Variants in POU6F2 observed in about 807,000 individuals in gnomAD.
The protein encoded by POU6F2 is POU class 6 homeobox 2.
In POU6F2, 31 loss-of-function variants were observed where a neutral mutation model predicts 71.3. The ratio of observed to expected loss-of-function variants is 0.43; its 90% CI spans 0.33 to 0.59. The LOEUF (loss-of-function observed/expected upper bound fraction) is 0.59, where lower values mean the gene tolerates loss of function less well. POU6F2 is among the 20% of genes least tolerant of loss of function. The pLI, the probability that POU6F2 is intolerant of heterozygous loss-of-function variation, is 0.04. For missense variants in POU6F2, 783 were observed against 856.8 expected (o/e 0.91, Z 1.07); for synonymous variants, 347 against 355.7 (o/e 0.98, Z 0.27).
chr7:39,112,914 A>G (rs896292215), intron 2 of POU6F2, among the ~76,000 whole-genome samples: 4 of 152,078 alleles, frequency 2.6e-5, no homozygotes, highest in Non-Finnish European at 2.9e-5. Context: ...CCCCTAATTA[A>G]CTATTCTTGA....
At chr7:39,121,000 T>C (rs1792029255) in intron 2 of POU6F2, 2 of 149,926 alleles carry the variant, frequency 1.3e-5, no homozygotes, top group African/African-American at 4.9e-5. Context: ...ATGCTTTCAC[T>C]GTTACCCACG....
chr7:39,174,554 C>G (rs1314164039), intron 2 of POU6F2, among the ~76,000 whole-genome samples: 2 of 152,138 alleles, frequency 1.3e-5, no homozygotes. Context: ...TCTTTTCCTC[C>G]TGTTCCAAGA....
At chr7:39,329,478 T>G (rs894913159) in intron 4 of POU6F2, among the ~76,000 whole-genome samples, 24 of 152,136 alleles carry the variant, frequency 1.6e-4, no homozygotes, top group African/African-American at 5.8e-4. Context: ...AATATATACT[T>G]TGATTCTTAG....
chr7:39,139,144 T>C (rs1225753644), intron 2 of POU6F2, among the ~76,000 whole-genome samples: 1 of 152,196 alleles, frequency 6.6e-6, no homozygotes, highest in Non-Finnish European at 1.5e-5. Context: ...TAGCCACTTC[T>C]GTTAAGTAAG....
At chr7:39,028,784 C>T (rs1277723520) in intron 1 of POU6F2, among the ~76,000 whole-genome samples, 1 of 151,844 alleles carries the variant, frequency 6.6e-6, no homozygotes, top group African/African-American at 2.4e-5. Flanking sequence ...AGGCTTATTC[C>T]TATGTAACTT....
intron 1 of POU6F2, among the ~76,000 whole-genome samples, chr7:38,995,632 T>G (rs1029971274): frequency 2.7e-4 from 41 of 152,172 alleles, no homozygotes; most frequent in African/African-American, 9.2e-4. Flanking sequence ...GGGCCATATT[T>G]TCCCACAGTC....
intron 5 of POU6F2, among the ~76,000 whole-genome samples, chr7:39,347,667 T>C (rs1270515475): frequency 6.9e-6 from 1 of 145,648 alleles, no homozygotes; most frequent in East Asian, 1.9e-4. Flanking sequence ...AGAATCTCAC[T>C]GTCACCCAGG....
At chr7:39,279,221 G>T (rs1784515963) in intron 4 of POU6F2, among the ~76,000 whole-genome samples, 1 of 151,916 alleles carries the variant, frequency 6.6e-6, no homozygotes, top group Non-Finnish European at 1.5e-5. Flanking sequence ...CCTCACCCTG[G>T]AGTGCACTCC....
chr7:39,019,565 A>C (rs151238317), intron 1 of POU6F2, among the ~76,000 whole-genome samples: 10 of 151,438 alleles, frequency 6.6e-5, no homozygotes, highest in African/African-American at 2.2e-4. Context: ...TTTCTTAGCT[A>C]CCTCTTTCTA....
At chr7:39,154,777 G>T (rs938041863) in intron 2 of POU6F2, among the ~76,000 whole-genome samples, 3 of 152,130 alleles carry the variant, frequency 2.0e-5, no homozygotes, top group African/African-American at 4.8e-5. Context: ...TGAATGTACC[G>T]ATGACTGCCC....
At chr7:39,160,737 G>A (rs1481774843) in intron 2 of POU6F2, among the ~76,000 whole-genome samples, 1 of 152,038 alleles carries the variant, frequency 6.6e-6, no homozygotes, top group African/African-American at 2.4e-5. Context: ...AATATTCTTA[G>A]CACTTATAAT....
rs539479593 is a variant in POU6F2 at position 39,355,847 on chromosome 7, A to G, written c.972+15832A>G. Among the ~76,000 whole-genome samples the G allele has an allele frequency of 3.9e-5, 6 of 152,326 alleles. No individual in the cohort carries two copies. In the South Asian group the frequency reaches 1.2e-3, roughly 32 times the overall value. ...AAGTAGTCCCACCAAAAATGAGTAGATAATTCTAAAGAGAAAGTGAAAGGG... is the reference window on the plus strand; with the variant it reads ...AAGTAGTCCCACCAAAAATGAGTAGGTAATTCTAAAGAGAAAGTGAAAGGG... On this transcript the variant is annotated intron_variant, in intron 5 of 9. Transcript: ENST00000518318.
chr7:39,103,441 T>G (rs1791616642), intron 2 of POU6F2, among the ~76,000 whole-genome samples: 1 of 152,180 alleles, frequency 6.6e-6, no homozygotes, highest in African/African-American at 2.4e-5. Context: ...AGATGTTACA[T>G]GGCCCAAAGT....
intron 1 of POU6F2, among the ~76,000 whole-genome samples, chr7:39,015,974 TATATATAG>T (rs1789512868): frequency 2.5e-5 from 1 of 40,592 alleles, no homozygotes; most frequent in Non-Finnish European, 3.8e-5. Context: ...TGATATATAT[TATATATAG>T]ATATATATAA....
chr7:39,200,875 A>T (rs553383382), intron 2 of POU6F2, among the ~76,000 whole-genome samples: 1 of 151,892 alleles, frequency 6.6e-6, no homozygotes, highest in African/African-American at 2.4e-5. Context: ...AAAAAAGAAA[A>T]AATTAGCTGG....
At chr7:39,077,420 T>C (rs1454167030) in intron 1 of POU6F2, among the ~76,000 whole-genome samples, 1 of 152,212 alleles carries the variant, frequency 6.6e-6, no homozygotes, top group Non-Finnish European at 1.5e-5. Flanking sequence ...CCTGTCTGAT[T>C]GATTGTTATG....
chr7:39,324,442 G>T (rs1306103170), intron 4 of POU6F2, among the ~76,000 whole-genome samples: 1 of 152,144 alleles, frequency 6.6e-6, no homozygotes, highest in African/African-American at 2.4e-5. Context: ...CTTTCCTTCT[G>T]GTAATGTTCA....
chr7:39,082,492 T>C (rs1273007958), intron 1 of POU6F2, among the ~76,000 whole-genome samples: 1 of 152,180 alleles, frequency 6.6e-6, no homozygotes, highest in South Asian at 2.1e-4. Context: ...GCAGAGATCC[T>C]TGTACAGGTT....
At chr7:39,081,948 C>A (rs117939935) in intron 1 of POU6F2, among the ~76,000 whole-genome samples, 3,098 of 152,312 alleles carry the variant, frequency 0.02, 40 homozygotes, top group Middle Eastern at 0.034. Flanking sequence ...AGCTGCGTGC[C>A]TTTGGGGCAA....
Sources: allele counts gnomAD v4.1 joint callset (sites outside exome capture counted in the v4.1 genomes callset), GRCh38; gene constraint gnomAD v4.1.1; transcripts MANE v1.5; gene names NCBI Gene and HGNC (gene_info 2026-07-23, HGNC 2026-07-21).